Variants in SMAD3 observed in about 807,000 individuals in gnomAD.
SMAD3 encodes SMAD family member 3.
A neutral mutation model predicts 51.8 loss-of-function variants in SMAD3; 12 were observed. The ratio of observed to expected loss-of-function variants is 0.23; its 90% CI spans 0.15 to 0.38. The LOEUF (loss-of-function observed/expected upper bound fraction) is 0.38. Ranked by LOEUF, SMAD3 falls within the 10% of genes least tolerant of loss-of-function variation. SMAD3 has a pLI of 1.00. For synonymous variants in SMAD3, 238 were observed against 227.7 expected, an observed-to-expected ratio of 1.05 and a Z score of -0.41; for missense variants, 294 against 565.6, an observed-to-expected ratio of 0.52 and a Z score of 4.87.
intron 5 of SMAD3, among the ~76,000 whole-genome samples, chr15:67,171,323 C>T (rs1962746605): frequency 6.6e-6 from 1 of 152,176 alleles, no homozygotes; most frequent in South Asian, 2.1e-4. Context: ...CAACATCCCT[C>T]CATGGTTAGA....
At chr15:67,138,015 A>G in intron 1 of SMAD3, 1 of 1,549,760 alleles carries the variant, frequency 6.5e-7, no homozygotes, top group Non-Finnish European at 8.7e-7. Context: ...GTGACCTCCC[A>G]ACTTCACAAA....
intron 1 of SMAD3, among the ~76,000 whole-genome samples, chr15:67,156,024 C>T (rs970666037): frequency 1.3e-5 from 2 of 150,828 alleles, no homozygotes; most frequent in Non-Finnish European, 2.9e-5. Context: ...TGAGTGAACA[C>T]GGGGATAGTA....
Position 67,065,834 on chromosome 15 carries a change from CT to C in SMAD3, c.-319del, listed in dbSNP as rs1237240588. The C allele has an allele frequency of 4.7e-6, 1 of 213,960 alleles. No homozygotes were observed. The highest frequency in any genetic ancestry group is 9.4e-6 in the Non-Finnish European group (1 of 105,892). 13.3% of individuals were successfully genotyped at this position (213,960 alleles called of 1,614,324 possible). Reference sequence around the variant, plus strand: ...CAGCTACCCCGTGCGGAAACCCAAACTTCTGCTGCCACTTGGAGTCTCGCGG... The same window carrying C: ...CAGCTACCCCGTGCGGAAACCCAAACTCTGCTGCCACTTGGAGTCTCGCGG... On this transcript the variant is annotated 5_prime_UTR_variant, in exon 1 of 9. Transcript: ENST00000327367.
chr15:67,165,469 C>A, intron 3 of SMAD3, 85 bp downstream of exon 3: 1 of 1,520,910 alleles, frequency 6.6e-7, no homozygotes, highest in Non-Finnish European at 9.0e-7. Context: ...CAATCTCTGC[C>A]CCCTGGCCGT....
In SMAD3 at chr15:67,074,380, C is replaced by T. The variant is rs573828127; in HGVS notation, c.206+8020C>T. On this transcript the variant is annotated intron_variant, in intron 1 of 8. Transcript: ENST00000327367. ...TAAGAGGTAGGCATTATAGAGGATA[C>T]CTGTGGAAAATGTTTGCTCATATGT... Among the ~76,000 whole-genome samples, 68 of 152,310 alleles carry T rather than the reference C, an allele frequency of 4.5e-4. 3 individuals are homozygous for T. The South Asian group carries it at 0.011, about 25-fold the overall frequency.
At chr15:67,072,968 T>A (rs1330941730) in intron 1 of SMAD3, among the ~76,000 whole-genome samples, 1 of 152,242 alleles carries the variant, frequency 6.6e-6, no homozygotes, top group Non-Finnish European at 1.5e-5. Context: ...CTAATTTCTG[T>A]GCCAGATAAT....
At chr15:67,152,311 C>T (rs1962168455) in intron 1 of SMAD3, among the ~76,000 whole-genome samples, 1 of 152,026 alleles carries the variant, frequency 6.6e-6, no homozygotes, top group Non-Finnish European at 1.5e-5. Context: ...ATTTTCTTCT[C>T]CCTCAAACTG....
intron 1 of SMAD3, among the ~76,000 whole-genome samples, chr15:67,083,731 C>T (rs1449490490): frequency 6.6e-6 from 1 of 152,214 alleles, no homozygotes; most frequent in African/African-American, 2.4e-5. Context: ...ACCTGAACAT[C>T]CCTACAATAT....
chr15:67,138,267 T>C (rs1258695320), intron 1 of SMAD3: 1 of 591,038 alleles, frequency 1.7e-6, no homozygotes, highest in Non-Finnish European at 3.0e-6. Context: ...GGAAACCCCC[T>C]GTGTGGGTGA....
Position 67,181,471 on chromosome 15 carries a change from T to TGGGGGGGG in SMAD3, c.871+18_871+19insGGGGGGGG. On this transcript the variant is annotated intron_variant, in intron 6 of 8. Coordinates refer to ENST00000327367, the MANE Select transcript of SMAD3 (RefSeq NM_005902.4). ...ACACATCGGTATGGGGTGGCTCCAT[T>TGGGGGGGG]CCCCGCCCCCCCACCCTGCCCCTGC... The TGGGGGGGG allele has an allele frequency of 6.6e-7, 1 of 1,521,122 alleles. No homozygotes were observed. Among genetic ancestry groups the TGGGGGGGG allele is most frequent in the Non-Finnish European group, 8.8e-7 (1 of 1,132,024 alleles). The allele number at this position is 1,521,122 out of a possible 1,614,324, so 94.2% of individuals were successfully genotyped here.
intron 1 of SMAD3, among the ~76,000 whole-genome samples, chr15:67,077,243 A>T (rs1489942380): frequency 6.6e-6 from 1 of 151,766 alleles, no homozygotes; most frequent in African/African-American, 2.4e-5. Context: ...GTATGTACGT[A>T]TGTATGTATG....
chr15:67,100,371 G>A (rs1345364161), intron 1 of SMAD3, among the ~76,000 whole-genome samples: 4 of 151,968 alleles, frequency 2.6e-5, no homozygotes, highest in African/African-American at 9.7e-5. Flanking sequence ...TGGAGGAGAG[G>A]GGAATGGGGA....
At chr15:67,182,861 G>C (rs1963096192) in intron 6 of SMAD3, among the ~76,000 whole-genome samples, 1 of 150,424 alleles carries the variant, frequency 6.6e-6, no homozygotes, top group Non-Finnish European at 1.5e-5. Flanking sequence ...TAGAGATAGG[G>C]TCTTGCTATG....
intron 1 of SMAD3, among the ~76,000 whole-genome samples, chr15:67,144,663 A>G (rs1244899752): frequency 2.0e-5 from 3 of 152,168 alleles, no homozygotes; most frequent in African/African-American, 2.4e-5. Context: ...GTAGTGCACT[A>G]GTGCACCATA....
At chr15:67,074,631 G>T (rs1253080866) in intron 1 of SMAD3, among the ~76,000 whole-genome samples, 1 of 152,168 alleles carries the variant, frequency 6.6e-6, no homozygotes, top group East Asian at 1.9e-4. Flanking sequence ...GTGCTTTGCC[G>T]GTAGTTTAGG....
intron 1 of SMAD3, chr15:67,126,082 G>T (rs771138619): frequency 5.8e-4 from 319 of 554,052 alleles, no homozygotes; most frequent in Non-Finnish European, 7.2e-4. Context: ...TGAGTCCTTA[G>T]GGAATTGCGT....
rs1959892497 is a variant in SMAD3 at position 67,065,657 on chromosome 15, C to CCCAG, written c.-492_-489dup. Among the ~76,000 whole-genome samples, 1 of 151,704 alleles carries CCCAG rather than the reference C, an allele frequency of 6.6e-6. No homozygotes were observed. Among genetic ancestry groups the CCCAG allele is most frequent in the Admixed American group, 6.6e-5 (1 of 15,260 alleles). On this transcript the variant is annotated 5_prime_UTR_variant, in exon 1 of 9. Transcript: ENST00000327367. ...GAGCGCGGCGCACGCCCCGGGCCGG[C>CCCAG]CCAGCCAGCGAGCGAGCGAGCGGCG...
intron 1 of SMAD3, among the ~76,000 whole-genome samples, chr15:67,107,631 C>T (rs769927710): frequency 4.6e-5 from 7 of 152,238 alleles, no homozygotes; most frequent in Admixed American, 2.6e-4. Flanking sequence ...CAGCCTAAGT[C>T]ACTGCCTGTC....
At chr15:67,142,888 C>T (rs1457369066) in intron 1 of SMAD3, 1 of 452,154 alleles carries the variant, frequency 2.2e-6, no homozygotes, top group South Asian at 1.6e-5. Flanking sequence ...GTGCAGGAGA[C>T]AGCTCCAGCC....
Sources: gnomAD v4.1 joint callset for allele counts (sites outside exome capture counted in the v4.1 genomes callset) on GRCh38, gnomAD v4.1.1 for gene constraint, MANE v1.5 for transcripts, NCBI Gene and HGNC (gene_info 2026-07-23, HGNC 2026-07-21) for gene names.